Variants in MRPS31 observed in about 807,000 individuals in gnomAD.
MRPS31 encodes mitochondrial ribosomal protein S31.
In MRPS31, 32 loss-of-function variants were observed where a neutral mutation model predicts 43.1. The observed-to-expected ratio is 0.74, with a 90% confidence interval of 0.56 to 1.00. The LOEUF (loss-of-function observed/expected upper bound fraction) is 1.00. Ranked by LOEUF, MRPS31 falls within the 50% of genes least tolerant of loss-of-function variation. The probability of loss-of-function intolerance (pLI) is 0.00; values close to 1 mark genes in which losing one functional copy is unlikely to be tolerated. For missense variants in MRPS31, 437 were observed against 466.7 expected, an observed-to-expected ratio of 0.94 and a Z score of 0.59; for synonymous variants, 165 against 161.6, an observed-to-expected ratio of 1.02 and a Z score of -0.16.
intron 3 of MRPS31, among the ~76,000 whole-genome samples, chr13:40,758,129 C>T (rs548197762): frequency 3.5e-5 from 5 of 144,106 alleles, no homozygotes; most frequent in African/African-American, 1.1e-4. Flanking sequence ...GGCGACAGAG[C>T]GAGACTCCGT....
At chr13:40,758,829 A>G in intron 3 of MRPS31, 119 bp downstream of exon 3, 4 of 935,298 alleles carry the variant, frequency 4.3e-6, no homozygotes, top group Admixed American at 6.3e-5. Flanking sequence ...ATTATGTGGT[A>G]TATTTTATAT....
chr13:40,748,283 G>A (rs1451439573), intron 6 of MRPS31, among the ~76,000 whole-genome samples: 2 of 152,140 alleles, frequency 1.3e-5, no homozygotes, highest in Non-Finnish European at 2.9e-5. Flanking sequence ...TCAACCTCCT[G>A]AATAGCTGGG....
intron 1 of MRPS31, among the ~76,000 whole-genome samples, chr13:40,770,463 T>C (rs1444933440): frequency 1.3e-5 from 2 of 152,216 alleles, no homozygotes; most frequent in Non-Finnish European, 2.9e-5. Context: ...TGGTTAGGTG[T>C]CCCTATTTGC....
At chr13:40,769,224 A>G (rs1880931827) in intron 1 of MRPS31, among the ~76,000 whole-genome samples, 1 of 151,054 alleles carries the variant, frequency 6.6e-6, no homozygotes, top group Non-Finnish European at 1.5e-5. Flanking sequence ...AAAAATACAA[A>G]AATTAGCCAG....
At chr13:40,753,593 T>G (rs1323171449) in intron 5 of MRPS31, among the ~76,000 whole-genome samples, 1 of 152,166 alleles carries the variant, frequency 6.6e-6, no homozygotes, top group Non-Finnish European at 1.5e-5. Context: ...CCATGGTGCC[T>G]AGCTGAGGAG....
chr13:40,737,230 C>A (rs200886130), intron 6 of MRPS31, among the ~76,000 whole-genome samples: 3,484 of 131,068 alleles, frequency 0.027, 49 homozygotes, highest in Middle Eastern at 0.068. Context: ...AAGAAGAGCT[C>A]ACTATCCTAA....
At chr13:40,766,216 T>G (rs1029054686) in intron 2 of MRPS31, among the ~76,000 whole-genome samples, 4 of 152,362 alleles carry the variant, frequency 2.6e-5, no homozygotes, top group African/African-American at 9.6e-5. Context: ...CTCCTTTCCT[T>G]TCTCTGGATT....
chr13:40,759,004 G>A lies in MRPS31; in HGVS notation c.543C>T (p.Leu181=), dbSNP rs1880616616. The A allele has an allele frequency of 1.2e-6, 2 of 1,608,362 alleles. No individual in the cohort carries two copies. Among genetic ancestry groups the A allele is most frequent in the Non-Finnish European group, 1.7e-6 (2 of 1,177,988 alleles). The change falls in exon 3 of 7, where the codon CTC becomes CTT. Residue 181 remains leucine (L), a synonymous_variant. Coordinates refer to ENST00000323563, the MANE Select transcript of MRPS31 (RefSeq NM_005830.4). ...QTTKSELLSQ[L]QQHEEESRAQ... is the part of the protein sequence containing the mutation. ...CCCTTGACTCTTCCTCATGCTGCTG[G>A]AGCTGGCTCAGCAGCTCTGACTTGG... is the stretch of plus-strand genomic sequence containing the variant.
chr13:40,758,245 G>C (rs1010544479), intron 3 of MRPS31, among the ~76,000 whole-genome samples: 2 of 151,946 alleles, frequency 1.3e-5, no homozygotes, highest in Non-Finnish European at 2.9e-5. Flanking sequence ...GTTTTGTAGA[G>C]ATGGGGTCTT....
intron 2 of MRPS31, among the ~76,000 whole-genome samples, chr13:40,765,100 A>G (rs1276967062): frequency 6.6e-6 from 1 of 152,204 alleles, no homozygotes; most frequent in Non-Finnish European, 1.5e-5. Flanking sequence ...ATTAAAAGAC[A>G]CCTTTTTAAA....
rs60198023 is a variant in MRPS31 at position 40,764,070 on chromosome 13, G to A, written c.440+2676C>T. On this transcript the variant is annotated intron_variant, in intron 2 of 6. Transcript: ENST00000323563. ...CCTGGCTCCCAAACTGTGTCCTAAG[G>A]TACTCTGGGGCAGCACAGGAAAATA... 6.2e-4 allele frequency among the ~76,000 whole-genome samples: 95 copies of A among 152,232 alleles called. 1 individual carries two copies. The highest frequency in any genetic ancestry group is 2.2e-3 in the African/African-American group (93 of 41,530).
At chr13:40,739,727 G>T (rs1392466625) in intron 6 of MRPS31, among the ~76,000 whole-genome samples, 2 of 150,962 alleles carry the variant, frequency 1.3e-5, no homozygotes, top group Non-Finnish European at 2.9e-5. Flanking sequence ...GGGAAAACGG[G>T]CTAGCCATAT....
chr13:40,750,023 C>T (rs1320433238), intron 5 of MRPS31, among the ~76,000 whole-genome samples: 1 of 151,950 alleles, frequency 6.6e-6, no homozygotes, highest in Non-Finnish European at 1.5e-5. Context: ...ATATATTCAC[C>T]CAAGAGATAA....
intron 6 of MRPS31, among the ~76,000 whole-genome samples, chr13:40,736,901 AT>A (rs2137995213): frequency 6.6e-6 from 1 of 150,802 alleles, no homozygotes; most frequent in South Asian, 2.1e-4. Context: ...AGCTAACATC[AT>A]AATGACAGGA....
chr13:40,753,453 C>T (rs896701420), intron 5 of MRPS31, among the ~76,000 whole-genome samples: 1 of 152,220 alleles, frequency 6.6e-6, no homozygotes, highest in African/African-American at 2.4e-5. Flanking sequence ...CGCTGTCTCA[C>T]AGAATGCAAC....
chr13:40,730,057 A>G (rs962966414), intron 6 of MRPS31, among the ~76,000 whole-genome samples: 4 of 151,950 alleles, frequency 2.6e-5, no homozygotes, highest in African/African-American at 9.7e-5. Context: ...TTGCCCACCA[A>G]TTTAACAACA....
chr13:40,757,501 G>A (rs1473734490), intron 3 of MRPS31, among the ~76,000 whole-genome samples: 6 of 136,198 alleles, frequency 4.4e-5, no homozygotes, highest in African/African-American at 1.7e-4. Context: ...TTGGAGTGCA[G>A]TGGCGCAATC....
intron 3 of MRPS31, among the ~76,000 whole-genome samples, chr13:40,758,471 T>C (rs116575838): frequency 6.6e-6 from 1 of 152,242 alleles, no homozygotes; most frequent in African/African-American, 2.4e-5. Context: ...TACTACTTAA[T>C]ATAACATAGG....
chr13:40,764,521 G>A (rs1880788519), intron 2 of MRPS31, among the ~76,000 whole-genome samples: 1 of 152,008 alleles, frequency 6.6e-6, no homozygotes, highest in Non-Finnish European at 1.5e-5. Context: ...AATATCCCAG[G>A]AAAATCAATG....
Sources: allele counts gnomAD v4.1 joint callset (sites outside exome capture counted in the v4.1 genomes callset), GRCh38; gene constraint gnomAD v4.1.1; transcripts MANE v1.5; gene names NCBI Gene and HGNC (gene_info 2026-07-23, HGNC 2026-07-21).